GPC5: variants seen among roughly 807,000 people sequenced by gnomAD.
The protein encoded by GPC5 is glypican-5.
GPC5 carries 47 observed loss-of-function variants against 53.9 expected under a neutral mutation model. The ratio of observed to expected loss-of-function variants is 0.87; its 90% CI spans 0.69 to 1.11. GPC5 has a LOEUF of 1.11. Among genes scored for constraint, GPC5 ranks in the 50% most tolerant of loss-of-function variants. The pLI, the probability that GPC5 is intolerant of heterozygous loss-of-function variation, is 0.00. For synonymous variants in GPC5, 286 were observed against 263.3 expected (o/e 1.09, Z -0.84); for missense variants, 748 against 713.1 (o/e 1.05, Z -0.56).
At chr13:91,710,548 T>C (rs1469947310) in intron 3 of GPC5, among the ~76,000 whole-genome samples, 1 of 152,208 alleles carries the variant, frequency 6.6e-6, no homozygotes, top group East Asian at 1.9e-4. Flanking sequence ...GTGTATATAA[T>C]CTATTCTAAA....
chr13:92,187,679 A>G (rs1301985003), intron 7 of GPC5, among the ~76,000 whole-genome samples: 1 of 152,240 alleles, frequency 6.6e-6, no homozygotes, highest in African/African-American at 2.4e-5. Context: ...TTTTATTTGA[A>G]ATAATGAGAC....
chr13:91,551,990 C>A (rs1390849878), intron 2 of GPC5, among the ~76,000 whole-genome samples: 1 of 151,910 alleles, frequency 6.6e-6, no homozygotes, highest in African/African-American at 2.4e-5. Context: ...CCTAAAGGAT[C>A]AAGACAAATA....
intron 7 of GPC5, among the ~76,000 whole-genome samples, chr13:92,563,212 A>G (rs1282242378): frequency 6.6e-6 from 1 of 152,030 alleles, no homozygotes; most frequent in Admixed American, 6.6e-5. Flanking sequence ...TTTAGAATTA[A>G]TATGTCCATG....
intron 6 of GPC5, among the ~76,000 whole-genome samples, chr13:92,132,279 A>G (rs2138963649): frequency 6.6e-6 from 1 of 152,290 alleles, no homozygotes; most frequent in Admixed American, 6.5e-5. Context: ...ATATTGAAAG[A>G]TTGTGAAAAT....
chr13:91,783,999 G>A (rs1200981105), intron 5 of GPC5, among the ~76,000 whole-genome samples: 2 of 152,154 alleles, frequency 1.3e-5, no homozygotes, highest in Non-Finnish European at 2.9e-5. Context: ...AGATGGACAA[G>A]TTGTAGTCTA....
At chr13:92,552,346 A>C (rs1882346062) in intron 7 of GPC5, among the ~76,000 whole-genome samples, 1 of 151,920 alleles carries the variant, frequency 6.6e-6, no homozygotes, top group African/African-American at 2.4e-5. Context: ...AAAAAAGAAA[A>C]AGAAGAACAA....
intron 6 of GPC5, among the ~76,000 whole-genome samples, chr13:92,023,665 G>GACAC (rs367677767): frequency 0.074 from 10,426 of 140,976 alleles, 469 homozygotes; most frequent in South Asian, 0.11. Flanking sequence ...CTTTGCTGAG[G>GACAC]ACACACACAC....
At chr13:92,812,596 T>C (rs1162161492) in intron 7 of GPC5, among the ~76,000 whole-genome samples, 1 of 151,866 alleles carries the variant, frequency 6.6e-6, no homozygotes, top group Non-Finnish European at 1.5e-5. Context: ...AACATTGTGC[T>C]GGAAGTTCTA....
At chr13:91,569,296 T>C (rs1389283831) in intron 2 of GPC5, among the ~76,000 whole-genome samples, 1 of 152,156 alleles carries the variant, frequency 6.6e-6, no homozygotes, top group Admixed American at 6.6e-5. Context: ...AAGTGGATTT[T>C]TAAAATATCA....
At chr13:92,224,767 G>A (rs1315095240) in intron 7 of GPC5, among the ~76,000 whole-genome samples, 1 of 152,138 alleles carries the variant, frequency 6.6e-6, no homozygotes. Context: ...GTCCAAATTC[G>A]AGTGCTGGAG....
chr13:92,718,633 G>A (rs1309063109), intron 7 of GPC5, among the ~76,000 whole-genome samples: 4 of 152,016 alleles, frequency 2.6e-5, no homozygotes, highest in Non-Finnish European at 5.9e-5. Flanking sequence ...TCTCCTATTT[G>A]CTATCACAAC....
At chr13:91,572,471 G>C (rs956843441) in intron 2 of GPC5, among the ~76,000 whole-genome samples, 10 of 152,142 alleles carry the variant, frequency 6.6e-5, no homozygotes, top group East Asian at 5.8e-4. Context: ...TCTGCTTCTG[G>C]TGTGGCCTCA....
intron 7 of GPC5, among the ~76,000 whole-genome samples, chr13:92,743,974 T>C (rs1889176281): frequency 6.6e-6 from 1 of 152,048 alleles, no homozygotes; most frequent in Non-Finnish European, 1.5e-5. Flanking sequence ...TAATTTGCAG[T>C]TGATAAATAT....
At chr13:91,700,318 A>G (rs1267218897) in intron 3 of GPC5, among the ~76,000 whole-genome samples, 1 of 152,358 alleles carries the variant, frequency 6.6e-6, no homozygotes, top group East Asian at 1.9e-4. Context: ...TAGAACTTTG[A>G]AAGTGTTGCA....
At chr13:91,444,345 T>G (rs1283656053) in intron 1 of GPC5, among the ~76,000 whole-genome samples, 2 of 152,164 alleles carry the variant, frequency 1.3e-5, no homozygotes, top group Non-Finnish European at 2.9e-5. Context: ...GTTTTTGATC[T>G]TTTTTGGAGG....
chr13:91,460,163 T>C (rs1881840152), intron 2 of GPC5, among the ~76,000 whole-genome samples: 1 of 152,154 alleles, frequency 6.6e-6, no homozygotes. Flanking sequence ...AACTTAAGAC[T>C]CTTGGGACTC....
At chr13:92,311,022 A>G (rs1297711938) in intron 7 of GPC5, among the ~76,000 whole-genome samples, 1 of 152,198 alleles carries the variant, frequency 6.6e-6, no homozygotes, top group Non-Finnish European at 1.5e-5. Context: ...ATGTTAAAGT[A>G]GTCTGAAATT....
intron 6 of GPC5, among the ~76,000 whole-genome samples, chr13:91,983,813 G>T (rs1471695198): frequency 6.6e-6 from 1 of 152,120 alleles, no homozygotes; most frequent in Non-Finnish European, 1.5e-5. Flanking sequence ...TTCGTAATTG[G>T]AATACAGGGA....
intron 7 of GPC5, among the ~76,000 whole-genome samples, chr13:92,287,567 T>C (rs936119166): frequency 2.0e-5 from 3 of 152,202 alleles, no homozygotes; most frequent in Non-Finnish European, 4.4e-5. Context: ...TTGTTTTATC[T>C]TGATGAATCA....
Sources: allele counts gnomAD v4.1 joint callset (sites outside exome capture counted in the v4.1 genomes callset), GRCh38; gene constraint gnomAD v4.1.1; transcripts MANE v1.5; gene names NCBI Gene and HGNC (gene_info 2026-07-23, HGNC 2026-07-21).